Variants in AKAP9 observed in about 807,000 individuals in gnomAD.
AKAP9 encodes the protein A-kinase anchoring protein 9.
AKAP9 carries 311 observed loss-of-function variants against 488.5 expected under a neutral mutation model. The observed-to-expected ratio is 0.64, with a 90% CI of 0.58 to 0.70. The LOEUF is 0.70. Among genes scored for constraint, AKAP9 ranks in the 30% least tolerant of loss-of-function variants. The probability of loss-of-function intolerance (pLI) is 0.00; values close to 1 mark genes in which losing one functional copy is unlikely to be tolerated. For missense variants in AKAP9, 4,215 were observed against 4,374.5 expected (o/e 0.96, Z 1.03); for synonymous variants, 1,462 against 1,483.5 (o/e 0.99, Z 0.33).
intron 5 of AKAP9, 61 bp from the exon 6 acceptor site, chr7:91,994,560 A>C (rs1798155020): frequency 2.9e-6 from 4 of 1,386,696 alleles, no homozygotes; most frequent in Non-Finnish European, 4.0e-6. Flanking sequence ...ATTTTGAAAA[A>C]GTTACCTGTA....
At chr7:92,073,761 T>A (rs957125559) in intron 28 of AKAP9, among the ~76,000 whole-genome samples, 1 of 152,182 alleles carries the variant, frequency 6.6e-6, no homozygotes, top group East Asian at 1.9e-4. Context: ...ATGCCTGAAC[T>A]TCAGCTACTT....
rs1804752313 is a variant in AKAP9, at chr7:92,034,120, G to A, written c.4338+2516G>A. Among the ~76,000 whole-genome samples, 3 of 152,334 alleles carry A rather than the reference G, an allele frequency of 2.0e-5. No homozygotes were observed. In the South Asian group the frequency reaches 6.2e-4, roughly 32 times the overall value. On this transcript the variant is annotated intron_variant, in intron 16 of 49. Transcript: ENST00000356239. ...GGAAAATCCTAAAGGAAGTGAGGGA[G>A]TGAATCAGGAAGATATCAGGTTGAG...
At chr7:91,958,307 G>A (rs1207958502) in intron 1 of AKAP9, among the ~76,000 whole-genome samples, 1 of 152,182 alleles carries the variant, frequency 6.6e-6, no homozygotes, top group Non-Finnish European at 1.5e-5. Flanking sequence ...TGCATTTTAT[G>A]CTGTTGAGAG....
rs1157261703 is a variant in AKAP9, at chr7:92,079,110, A to G, written c.6977A>G (p.Asp2326Gly). Residue 2326 changes from aspartate to glycine, a missense_variant, in exon 31 of 50, where the codon GAT (aspartate) becomes GGT (glycine). By Grantham distance (94) the Asp-to-Gly change is moderately conservative. Coordinates refer to ENST00000356239, the MANE Select transcript of AKAP9 (RefSeq NM_005751.5). ...GAAGAAAAAAATGAACTGATAAGGG[A>G]TCTTGAAACCCAAATAGAATGTTTG... ...VIEEKNELIR[D>G]LETQIECLMS... 6.2e-7 allele frequency: 1 copy of G among 1,612,066 alleles called. No homozygotes were observed.
In AKAP9 at chr7:91,941,199, G is replaced by T. The variant is rs760523616; in HGVS notation, c.48+52G>T. 9 of 1,552,430 alleles carry T rather than the reference G, an allele frequency of 5.8e-6. No individual in the cohort carries two copies. The South Asian group carries it at 8.9e-5, about 15-fold the overall frequency. On this transcript the variant is annotated intron_variant, in intron 1 of 49. Coordinates refer to ENST00000356239, the MANE Select transcript of AKAP9 (RefSeq NM_005751.5). Reference sequence around the variant, plus strand: ...TGCGGTGGGAGGCGGTGGCTAGCACGGGGTGGGAGGGGGCCTGGGAAGCGG... The same window carrying T: ...TGCGGTGGGAGGCGGTGGCTAGCACTGGGTGGGAGGGGGCCTGGGAAGCGG...
intron 1 of AKAP9, among the ~76,000 whole-genome samples, chr7:91,946,734 G>A (rs975363112): frequency 9.9e-5 from 15 of 152,186 alleles, no homozygotes; most frequent in African/African-American, 3.4e-4. Context: ...AGGAAGGAAC[G>A]TGATGCCCTG....
At chr7:91,981,934 A>C (rs1051469990) in intron 3 of AKAP9, among the ~76,000 whole-genome samples, 1 of 152,096 alleles carries the variant, frequency 6.6e-6, no homozygotes, top group African/African-American at 2.4e-5. Context: ...GAAAGTCATA[A>C]ATGCTTTGGT....
At chr7:91,999,045 C>A (rs1057476919) in intron 7 of AKAP9, among the ~76,000 whole-genome samples, 5 of 152,082 alleles carry the variant, frequency 3.3e-5, no homozygotes, top group African/African-American at 1.2e-4. Context: ...TACCAAGGCA[C>A]AAGCTGATAG....
chr7:92,098,218 A>G lies in AKAP9; in HGVS notation c.10713+4A>G, dbSNP rs539934550. On this transcript the variant is annotated splice_donor_region_variant and intron_variant, in intron 43 of 49. Coordinates refer to ENST00000356239, the MANE Select transcript of AKAP9 (RefSeq NM_005751.5). ...AACTGGCCAGCAAGGTGAAGAGGTA[A>G]TACTTTTTAAAAGTTATTTCTGAAG... 67 of 1,567,796 alleles carry G rather than the reference A, an allele frequency of 4.3e-5. No homozygotes were observed. The highest frequency in any genetic ancestry group is 5.4e-5 in the Non-Finnish European group (61 of 1,138,884).
At position 92,110,459 on chromosome 7, in the gene AKAP9, G is replaced by A. The variant is rs899168397; in HGVS notation, c.*300G>A. On this transcript the variant is annotated 3_prime_UTR_variant, in exon 50 of 50. Transcript: ENST00000356239. ...ATGGGTGAAAAGATTAAACTTTTAC[G>A]CATTACAATACTGCTGAATGTGTAG... 3.5e-5 allele frequency: 15 copies of A among 431,172 alleles called. No individual in the cohort carries two copies. The highest frequency in any genetic ancestry group is 7.8e-5 in the Admixed American group (2 of 25,756). The allele number at this position is 431,172 out of a possible 1,614,324, so 26.7% of individuals were successfully genotyped here.
In AKAP9 at chr7:92,029,634, A is replaced by G. The variant is rs116920610; in HGVS notation, c.4149-261A>G. 0.014 allele frequency among the ~76,000 whole-genome samples: 2,207 copies of G among 152,348 alleles called. 29 individuals are homozygous for G. The highest frequency in any genetic ancestry group is 0.04 in the South Asian group (195 of 4,830). ...CCATCTTTCCAAAAAAACAGTCGGT[A>G]CTTATGGTTCCATATCATACATTTG... is the stretch of plus-strand genomic sequence containing the variant. On this transcript the variant is annotated intron_variant, in intron 14 of 49. Transcript: ENST00000356239.
At chr7:91,947,576 G>A (rs1791623119) in intron 1 of AKAP9, among the ~76,000 whole-genome samples, 1 of 152,282 alleles carries the variant, frequency 6.6e-6, no homozygotes, top group East Asian at 1.9e-4. Context: ...TCCTGACCTT[G>A]TGATCCGTCC....
intron 21 of AKAP9, among the ~76,000 whole-genome samples, chr7:92,048,694 G>A (rs961154322): frequency 6.6e-6 from 1 of 152,190 alleles, no homozygotes; most frequent in African/African-American, 2.4e-5. Flanking sequence ...ATCACCTGAA[G>A]TCAGGAGTTC....
At chr7:91,941,807 G>A (rs570665982) in intron 1 of AKAP9, among the ~76,000 whole-genome samples, 75 of 152,054 alleles carry the variant, frequency 4.9e-4, no homozygotes, top group Non-Finnish European at 1.0e-3. Flanking sequence ...GGACCGAAAG[G>A]TTCCATATGC....
intron 4 of AKAP9, 104 bp from the exon 5 acceptor site, chr7:91,992,781 A>G: frequency 9.6e-7 from 1 of 1,038,996 alleles, no homozygotes; most frequent in South Asian, 1.4e-5. Context: ...CCAGGTGGTG[A>G]GTGATGTTTT....
chr7:92,035,135 G>A (rs1171880875), intron 16 of AKAP9, among the ~76,000 whole-genome samples: 1 of 152,118 alleles, frequency 6.6e-6, no homozygotes, highest in Admixed American at 6.5e-5. Flanking sequence ...ATGCTTCCTC[G>A]TAAGCAATGT....
At chr7:92,029,071 T>C (rs971353660) in intron 14 of AKAP9, among the ~76,000 whole-genome samples, 4 of 151,578 alleles carry the variant, frequency 2.6e-5, no homozygotes, top group African/African-American at 9.7e-5. Flanking sequence ...CACATGAAAA[T>C]GGGTATGGAA....
intron 7 of AKAP9, among the ~76,000 whole-genome samples, chr7:91,998,418 C>CTTT (rs60778133): frequency 0.021 from 1,107 of 53,960 alleles, 340 homozygotes; most frequent in Non-Finnish European, 0.033. Context: ...CCACAGGGCT[C>CTTT]TTTTTTTTTT....
At chr7:92,060,132 T>G (rs6951972) in intron 22 of AKAP9, among the ~76,000 whole-genome samples, 60,784 of 151,774 alleles carry the variant, frequency 0.4, 12,463 homozygotes, top group African/African-American at 0.46. Context: ...GACAAATACC[T>G]CTCAGATGTG....
Sources: allele counts gnomAD v4.1 joint callset (sites outside exome capture counted in the v4.1 genomes callset), GRCh38; gene constraint gnomAD v4.1.1; transcripts MANE v1.5; gene names NCBI Gene and HGNC (gene_info 2026-07-23, HGNC 2026-07-21).